Variants in USP28 observed in about 807,000 individuals in gnomAD.
The protein encoded by USP28 is ubiquitin carboxyl-terminal hydrolase 28.
A neutral mutation model predicts 145.0 loss-of-function variants in USP28; 113 were observed. The observed-to-expected ratio is 0.78, with a 90% confidence interval of 0.67 to 0.91. USP28 has a LOEUF of 0.91. Ranked by LOEUF, USP28 falls within the 40% of genes least tolerant of loss-of-function variation. The pLI is 0.00. For synonymous variants in USP28, 447 were observed against 450.9 expected (o/e 0.99, Z 0.11); for missense variants, 1,201 against 1,289.6 (o/e 0.93, Z 1.05).
chr11:113,812,757 A>G (rs577428542), intron 15 of USP28, among the ~76,000 whole-genome samples: 1 of 152,324 alleles, frequency 6.6e-6, no homozygotes, highest in East Asian at 1.9e-4. Flanking sequence ...AACTCCTCAG[A>G]TCTAAAACCA....
At chr11:113,858,837 T>TA (rs1947343418) in intron 1 of USP28, among the ~76,000 whole-genome samples, 1 of 152,026 alleles carries the variant, frequency 6.6e-6, no homozygotes, top group African/African-American at 2.4e-5. Flanking sequence ...CCCAAACTCT[T>TA]ACCTCAAGTG....
chr11:113,865,256 G>A (rs1014632209), intron 1 of USP28, among the ~76,000 whole-genome samples: 1 of 152,138 alleles, frequency 6.6e-6, no homozygotes. Context: ...GGGTTGCGGG[G>A]AACTCTAGTG....
intron 22 of USP28, 91 bp from the exon 24 acceptor site, chr11:113,803,372 T>C: frequency 7.2e-7 from 1 of 1,380,980 alleles, no homozygotes; most frequent in Non-Finnish European, 9.7e-7. Context: ...AAGAACCTAC[T>C]TGGCTGCAAT....
At chr11:113,854,553 C>A (rs1555084783) in intron 1 of USP28, among the ~76,000 whole-genome samples, 5 of 152,180 alleles carry the variant, frequency 3.3e-5, no homozygotes. Context: ...AGGCACAGGC[C>A]ACCACGCCCA....
chr11:113,846,859 G>C (rs1473976051), intron 3 of USP28, among the ~76,000 whole-genome samples: 1 of 152,160 alleles, frequency 6.6e-6, no homozygotes, highest in Non-Finnish European at 1.5e-5. Context: ...GCTGGGTGTG[G>C]TGGCGTGTGC....
chr11:113,810,972 G>A (rs1024444488), intron 16 of USP28, among the ~76,000 whole-genome samples: 2 of 152,172 alleles, frequency 1.3e-5, no homozygotes, highest in South Asian at 4.1e-4. Context: ...ACCATGCCGG[G>A]GCGATGTTTC....
intron 5 of USP28, among the ~76,000 whole-genome samples, chr11:113,834,832 GA>G (rs1355077254): frequency 1.3e-5 from 2 of 151,734 alleles, no homozygotes; most frequent in Admixed American, 1.3e-4. Context: ...AAGTGAAAAT[GA>G]AAAAAACAAG....
At chr11:113,834,334 G>A in exon 6 of USP28, 1 of 1,604,716 alleles carries the variant, frequency 6.2e-7, no homozygotes, top group Non-Finnish European at 8.5e-7. Flanking sequence ...TTGAAAGAGA[G>A]ACTGAAATAA....
intron 16 of USP28, among the ~76,000 whole-genome samples, chr11:113,811,134 G>T (rs942318423): frequency 6.6e-6 from 1 of 152,226 alleles, no homozygotes; most frequent in Non-Finnish European, 1.5e-5. Context: ...TTGGAGAATT[G>T]TATTTGAATC....
intron 10 of USP28, among the ~76,000 whole-genome samples, chr11:113,827,703 A>C (rs1943538070): frequency 6.6e-6 from 1 of 152,208 alleles, no homozygotes; most frequent in South Asian, 2.1e-4. Flanking sequence ...AGTATTCAGA[A>C]GAGGTTTAAA....
intron 10 of USP28, among the ~76,000 whole-genome samples, chr11:113,828,589 C>G (rs775353125): frequency 2.0e-5 from 3 of 152,092 alleles, no homozygotes; most frequent in Admixed American, 1.3e-4. Flanking sequence ...AATGTATGAT[C>G]AATGGAGAAC....
intron 3 of USP28, among the ~76,000 whole-genome samples, chr11:113,847,530 T>A (rs1015207718): frequency 1.1e-4 from 16 of 152,190 alleles, no homozygotes; most frequent in Non-Finnish European, 1.9e-4. Flanking sequence ...TTCTAATTTA[T>A]TTGGATCATT....
At chr11:113,865,811 C>T (rs559212762) in intron 1 of USP28, among the ~76,000 whole-genome samples, 1 of 152,158 alleles carries the variant, frequency 6.6e-6, no homozygotes, top group Non-Finnish European at 1.5e-5. Context: ...ACCAAAAGCA[C>T]AAGCAACAAA....
At chr11:113,832,674 T>A (rs771854208) in intron 7 of USP28, among the ~76,000 whole-genome samples, 1 of 152,196 alleles carries the variant, frequency 6.6e-6, no homozygotes, top group Non-Finnish European at 1.5e-5. Flanking sequence ...CTTCAATGTT[T>A]TGAGAATTTT....
At chr11:113,841,591 G>C in intron 4 of USP28, 72 bp downstream of exon 4, 1 of 872,528 alleles carries the variant, frequency 1.1e-6, no homozygotes, top group Non-Finnish European at 1.8e-6. Context: ...TTCCTGAGTG[G>C]CATTCACAGA....
intron 4 of USP28, 88 bp downstream of exon 4, chr11:113,841,575 G>T: frequency 1.3e-6 from 1 of 788,224 alleles, no homozygotes; most frequent in Non-Finnish European, 2.1e-6. Context: ...GTGCTTAACA[G>T]AATTATTCCT....
At chr11:113,797,913 ATAG>A (rs1293416857) in exon 25 of USP28, 3 of 152,616 alleles carry the variant, frequency 2.0e-5, no homozygotes, top group African/African-American at 7.2e-5. Context: ...TAAAATCTGC[ATAG>A]TTGTATCAAT....
Position 113,831,906 on chromosome 11 carries a change from C to T in USP28, c.833+14G>A. ...TGAGTCGGAAGGATGTACAAACAAA[C>T]CCTCAACACTCACTTAACATTAACA... On this transcript the variant is annotated intron_variant, in intron 8 of 24. Coordinates refer to ENST00000003302, the Ensembl canonical transcript of USP28. 6.2e-7 allele frequency: 1 copy of T among 1,610,564 alleles called. No homozygotes were observed. Among genetic ancestry groups the T allele is most frequent in the Non-Finnish European group, 8.5e-7 (1 of 1,178,820 alleles).
exon 5 of USP28, chr11:113,840,672 A>G: frequency 6.2e-7 from 1 of 1,614,182 alleles, no homozygotes; most frequent in Non-Finnish European, 8.5e-7. Context: ...ACTCTCCTCC[A>G]GTCATTGGGA....
Sources: allele counts gnomAD v4.1 joint callset (sites outside exome capture counted in the v4.1 genomes callset), GRCh38; gene constraint gnomAD v4.1.1; transcripts MANE v1.5; gene names NCBI Gene and HGNC (gene_info 2026-07-23, HGNC 2026-07-21).